Variants in RRP15 observed in about 807,000 individuals in gnomAD.
RRP15 encodes the protein RRP15-like protein.
RRP15 carries 18 observed loss-of-function variants against 27.1 expected under a neutral mutation model. The ratio of observed to expected loss-of-function variants is 0.66; its 90% confidence interval spans 0.46 to 0.98. The LOEUF is 0.98. Ranked by LOEUF, RRP15 falls within the 50% of genes least tolerant of loss-of-function variation. RRP15 has a pLI of 0.00. For missense variants in RRP15, 359 were observed against 337.8 expected, an observed-to-expected ratio of 1.06 and a Z score of -0.49; for synonymous variants, 107 against 109.4, an observed-to-expected ratio of 0.98 and a Z score of 0.14.
At chr1:218,286,031 G>A (rs1187662255) in intron 1 of RRP15, among the ~76,000 whole-genome samples, 1 of 152,164 alleles carries the variant, frequency 6.6e-6, no homozygotes, top group Non-Finnish European at 1.5e-5. Flanking sequence ...ACCATGCTGT[G>A]TCTGTTGCTC....
intron 4 of RRP15, among the ~76,000 whole-genome samples, chr1:218,326,660 A>G (rs1656277661): frequency 6.6e-6 from 1 of 152,224 alleles, no homozygotes; most frequent in Admixed American, 6.5e-5. Flanking sequence ...TACTTAGAAG[A>G]AAAAGGTCTG....
At chr1:218,327,407 A>G (rs954402276) in intron 4 of RRP15, among the ~76,000 whole-genome samples, 5 of 151,848 alleles carry the variant, frequency 3.3e-5, no homozygotes, top group African/African-American at 1.2e-4. Flanking sequence ...CTCCTAAGTG[A>G]TTCTCCCTCC....
rs1655591855 is a variant in RRP15, at chr1:218,288,952, G to T, written c.139+3497G>T. On this transcript the variant is annotated intron_variant, in intron 1 of 4. Transcript: ENST00000366932. ...CAATTGTATAAGAGGCACCTGTGATGGTACTACCTTTCAGAGTGACTTTGT... is the reference window on the plus strand; with the variant it reads ...CAATTGTATAAGAGGCACCTGTGATTGTACTACCTTTCAGAGTGACTTTGT... 3.9e-5 allele frequency among the ~76,000 whole-genome samples: 6 copies of T among 152,072 alleles called. No individual in the cohort carries two copies. The South Asian group carries it at 1.2e-3, about 32-fold the overall frequency.
At chr1:218,324,086 A>G (rs1485527418) in intron 4 of RRP15, among the ~76,000 whole-genome samples, 4 of 152,168 alleles carry the variant, frequency 2.6e-5, no homozygotes, top group African/African-American at 7.2e-5. Context: ...CCCAGGCCCA[A>G]GTCCTCCTCT....
rs758658640 is a variant in RRP15, at chr1:218,302,297, G to A, written c.143G>A (p.Ser48Asn). The A allele has an allele frequency of 1.2e-6, 2 of 1,611,676 alleles. No homozygotes were observed. The highest frequency in any genetic ancestry group is 2.2e-5 in the East Asian group (1 of 44,846). The change falls in exon 2 of 5, where the codon AGC (serine) becomes AAC (asparagine). Residue 48 changes from serine to asparagine, a missense_variant. Coordinates refer to ENST00000366932, the MANE Select transcript of RRP15 (RefSeq NM_016052.4). ...EATDTSDSEG[S>N]CGSEKDHFYS... The stretch of plus-strand genomic sequence containing the variant: ...CCTTTACTCTTTGGTTCTATAGGAA[G>A]CTGTGGATCGGAAAAGGACCACTTT...
intron 1 of RRP15, among the ~76,000 whole-genome samples, chr1:218,290,958 G>A (rs909084092): frequency 1.3e-5 from 2 of 151,808 alleles, no homozygotes; most frequent in African/African-American, 2.4e-5. Flanking sequence ...GTGAGACCCC[G>A]TCACTACAAA....
chr1:218,289,954 T>C (rs900481302), intron 1 of RRP15, among the ~76,000 whole-genome samples: 1 of 152,240 alleles, frequency 6.6e-6, no homozygotes, highest in Admixed American at 6.5e-5. Flanking sequence ...AGTGCTGGGA[T>C]TACAGGCATG....
At chr1:218,308,587 G>A (rs979063056) in intron 4 of RRP15, among the ~76,000 whole-genome samples, 33 of 152,250 alleles carry the variant, frequency 2.2e-4, no homozygotes, top group African/African-American at 7.2e-4. Context: ...ATTGAAACCC[G>A]AGCAAGAAGA....
At chr1:218,308,058 C>CT (rs1655928833) in intron 4 of RRP15, among the ~76,000 whole-genome samples, 12 of 65,462 alleles carry the variant, frequency 1.8e-4, no homozygotes, top group African/African-American at 3.6e-4. Flanking sequence ...TAGTTTCTTT[C>CT]TTTCTTTTTT....
At chr1:218,330,509 A>G (rs965111260) in intron 4 of RRP15, among the ~76,000 whole-genome samples, 2 of 152,144 alleles carry the variant, frequency 1.3e-5, no homozygotes, top group Admixed American at 1.3e-4. Flanking sequence ...CCCACTTTTA[A>G]TTTACTTTGG....
At chr1:218,322,077 G>A (rs920265235) in intron 4 of RRP15, among the ~76,000 whole-genome samples, 2 of 152,088 alleles carry the variant, frequency 1.3e-5, no homozygotes, top group African/African-American at 4.8e-5. Context: ...GGTTATATAA[G>A]AACACAGTAT....
intron 1 of RRP15, among the ~76,000 whole-genome samples, chr1:218,290,770 T>C (rs1001720792): frequency 1.3e-5 from 2 of 152,264 alleles, no homozygotes; most frequent in Non-Finnish European, 2.9e-5. Context: ...CTCCCAGCCT[T>C]ATGTGTGTTT....
Position 218,321,448 on chromosome 1 carries a change from CAGTT to C in RRP15, c.706-9494_706-9491del, listed in dbSNP as rs1453543957. ...AGTTTATACTTTACGATTTATATTA[CAGTT>C]AGTTATGTTTAACAGCTAACACAGC... On this transcript the variant is annotated intron_variant, in intron 4 of 4. Transcript: ENST00000366932. Among the ~76,000 whole-genome samples the C allele has an allele frequency of 5.3e-5, 8 of 152,204 alleles. No homozygotes were observed. The South Asian group carries it at 8.3e-4, about 16-fold the overall frequency.
Position 218,302,560 on chromosome 1 carries a change from G to T in RRP15, c.405+1G>T, listed in dbSNP as rs770223170. 3.7e-6 allele frequency: 6 copies of T among 1,610,722 alleles called. No individual in the cohort carries two copies. The highest frequency in any genetic ancestry group is 2.7e-5 in the African/African-American group (2 of 74,508). On this transcript the variant is annotated splice_donor_variant, in intron 2 of 4. Coordinates refer to ENST00000366932, the MANE Select transcript of RRP15 (RefSeq NM_016052.4). LOFTEE classifies it high-confidence loss of function. ...AGAAAGACTAGAGAAAATAAAACAG[G>T]TATGTTCCACCAGTTCTCTTGTAGA...
At chr1:218,303,829 T>C (rs1032874679) in intron 2 of RRP15, among the ~76,000 whole-genome samples, 8 of 152,248 alleles carry the variant, frequency 5.3e-5, no homozygotes, top group East Asian at 1.9e-4. Context: ...ATGTAAATTA[T>C]TATTTCCTAA....
At chr1:218,323,600 G>C (rs1656223650) in intron 4 of RRP15, among the ~76,000 whole-genome samples, 1 of 152,166 alleles carries the variant, frequency 6.6e-6, no homozygotes. Flanking sequence ...GCCTCACCGG[G>C]GACCCTCCCC....
chr1:218,294,524 A>T (rs1318543633), intron 1 of RRP15, among the ~76,000 whole-genome samples: 3 of 152,190 alleles, frequency 2.0e-5, no homozygotes, highest in African/African-American at 7.2e-5. Flanking sequence ...TACAGAGGAT[A>T]CAGATGAACA....
Position 218,330,086 on chromosome 1 carries a change from GC to G in RRP15, c.706-857del, listed in dbSNP as rs566699810. Among the ~76,000 whole-genome samples the G allele has an allele frequency of 2.5e-3, 374 of 152,060 alleles. 6 individuals carry two copies. The highest frequency in any genetic ancestry group is 0.023 in the Admixed American group (356 of 15,288). Reference sequence around the variant, plus strand: ...ATAAATAGATATGCATAGACTGTTAGCCCCCTGAAAACAGGAACTTCGTTTT... The same window carrying G: ...ATAAATAGATATGCATAGACTGTTAGCCCCTGAAAACAGGAACTTCGTTTT... On this transcript the variant is annotated intron_variant, in intron 4 of 4. Coordinates refer to ENST00000366932, the MANE Select transcript of RRP15 (RefSeq NM_016052.4).
intron 4 of RRP15, among the ~76,000 whole-genome samples, chr1:218,317,304 C>T (rs893864817): frequency 2.0e-5 from 3 of 152,178 alleles, no homozygotes; most frequent in Non-Finnish European, 4.4e-5. Context: ...TTACGTAATT[C>T]CACTTCCAAT....
Sources: gnomAD v4.1 joint callset for allele counts (sites outside exome capture counted in the v4.1 genomes callset) on GRCh38, gnomAD v4.1.1 for gene constraint, MANE v1.5 for transcripts, NCBI Gene and HGNC (gene_info 2026-07-23, HGNC 2026-07-21) for gene names.